HMGB1: variants seen among roughly 807,000 people sequenced by gnomAD.
HMGB1 encodes high mobility group protein B1.
For missense variants in HMGB1, 79 were observed against 253.5 expected, an observed-to-expected ratio of 0.31 and a Z score of 4.67; for synonymous variants, 81 against 84.0, an observed-to-expected ratio of 0.96 and a Z score of 0.19.
chr13:30,583,991 G>A (rs563785863), intron 1 of HMGB1, among the ~76,000 whole-genome samples: 70 of 151,516 alleles, frequency 4.6e-4, no homozygotes, highest in Non-Finnish European at 8.0e-4. Flanking sequence ...GAGAGAGTGA[G>A]ACCTTGTCTC....
rs17074758 is a variant in HMGB1 at position 30,580,584 on chromosome 13, G to A, written c.-15+36087C>T. Among the ~76,000 whole-genome samples the A allele has an allele frequency of 4.9e-3, 752 of 152,250 alleles. 6 individuals carry two copies. The highest frequency in any genetic ancestry group is 0.017 in the African/African-American group (705 of 41,554). On this transcript the variant is annotated intron_variant, in intron 1 of 4. Coordinates refer to the HMGB1 transcript ENST00000405805. Reference sequence around the variant, plus strand: ...ATTAATTTAGCCACAAATATTTATTGAGCATCTCCTACATGCCAGGGAATG... The same window carrying A: ...ATTAATTTAGCCACAAATATTTATTAAGCATCTCCTACATGCCAGGGAATG...
intron 1 of HMGB1, among the ~76,000 whole-genome samples, chr13:30,596,203 C>A (rs1442208492): frequency 6.6e-6 from 1 of 152,118 alleles, no homozygotes; most frequent in Admixed American, 6.5e-5. Flanking sequence ...AATATTCTCT[C>A]CCTTTATAAT....
At chr13:30,505,388 C>T (rs1157955391) in intron 1 of HMGB1, among the ~76,000 whole-genome samples, 3 of 151,682 alleles carry the variant, frequency 2.0e-5, no homozygotes, top group African/African-American at 7.3e-5. Context: ...CCGTGTTAGC[C>T]AGGATGGTCT....
intron 1 of HMGB1, among the ~76,000 whole-genome samples, chr13:30,504,869 T>C (rs1340274961): frequency 2.2e-5 from 2 of 89,544 alleles, no homozygotes; most frequent in Non-Finnish European, 5.3e-5. Context: ...CTTTGCTTTT[T>C]TCCCCCTACA....
intron 1 of HMGB1, among the ~76,000 whole-genome samples, chr13:30,524,109 G>A (rs1391727608): frequency 6.6e-6 from 1 of 151,920 alleles, no homozygotes; most frequent in Non-Finnish European, 1.5e-5. Flanking sequence ...AACACCACAT[G>A]CTCTCACTCG....
At chr13:30,486,944 G>A (rs995524587) in intron 1 of HMGB1, among the ~76,000 whole-genome samples, 5 of 152,208 alleles carry the variant, frequency 3.3e-5, no homozygotes, top group African/African-American at 9.7e-5. Flanking sequence ...TGTTGGGTGC[G>A]GGAGGGGAAT....
At chr13:30,475,118 GTC>G (rs201116510) in intron 1 of HMGB1, among the ~76,000 whole-genome samples, 4 of 41,796 alleles carry the variant, frequency 9.6e-5, no homozygotes, top group East Asian at 9.7e-4. Flanking sequence ...TTGGCTCACT[GTC>G]TCTCTCTCTC....
chr13:30,581,934 C>T (rs1469507795), intron 1 of HMGB1, among the ~76,000 whole-genome samples: 1 of 152,128 alleles, frequency 6.6e-6, no homozygotes, highest in Non-Finnish European at 1.5e-5. Context: ...AAAAGTGTCC[C>T]AGGACTTACT....
chr13:30,541,280 G>A lies in HMGB1; in HGVS notation c.-15+75391C>T, dbSNP rs546739676. Among the ~76,000 whole-genome samples, 11 of 147,646 alleles carry A rather than the reference G, an allele frequency of 7.5e-5. No homozygotes were observed. The East Asian group carries it at 2.1e-3, about 29-fold the overall frequency. ...AGGCTGAGGCAGGAGGATCACTTGA[G>A]CCCAGGAGTTCAAATCCAACATGGG... On this transcript the variant is annotated intron_variant, in intron 1 of 4. Coordinates refer to the HMGB1 transcript ENST00000405805.
chr13:30,603,321 GCAGAATC>G (rs1950421633), intron 1 of HMGB1, among the ~76,000 whole-genome samples: 1 of 152,118 alleles, frequency 6.6e-6, no homozygotes, highest in Admixed American at 6.5e-5. Context: ...CTACCTGACG[GCAGAATC>G]TCCTCTTGGA....
intron 1 of HMGB1, chr13:30,541,094 G>C (rs1011260913): frequency 1.3e-5 from 2 of 152,160 alleles, no homozygotes; most frequent in African/African-American, 4.8e-5. Context: ...TGAAAAACAA[G>C]TTTCAATGAA....
intron 1 of HMGB1, among the ~76,000 whole-genome samples, chr13:30,581,802 C>A (rs1017695055): frequency 3.9e-5 from 6 of 152,174 alleles, no homozygotes; most frequent in Non-Finnish European, 7.3e-5. Flanking sequence ...CCCTTGTGAA[C>A]AAGTGCTCAG....
chr13:30,487,423 C>T (rs528515439), intron 1 of HMGB1, among the ~76,000 whole-genome samples: 3 of 152,306 alleles, frequency 2.0e-5, no homozygotes, highest in Admixed American at 1.3e-4. Flanking sequence ...TGCTGTTTCA[C>T]GTATCCTTTC....
chr13:30,461,758 A>G, intron 4 of HMGB1: 5 of 1,152,652 alleles, frequency 4.3e-6, no homozygotes, highest in East Asian at 2.7e-5. Context: ...GCATAGTCTA[A>G]TATTTGCAAA....
chr13:30,507,883 C>T (rs1201153236), intron 1 of HMGB1, among the ~76,000 whole-genome samples: 1 of 152,022 alleles, frequency 6.6e-6, no homozygotes, highest in Non-Finnish European at 1.5e-5. Context: ...GTAGTCCCAG[C>T]TATTAAGGAA....
intron 1 of HMGB1, among the ~76,000 whole-genome samples, chr13:30,532,848 T>C (rs1331605333): frequency 1.3e-5 from 2 of 152,148 alleles, no homozygotes; most frequent in East Asian, 3.8e-4. Flanking sequence ...AAGACTGCAA[T>C]CAACCATCCA....
chr13:30,608,515 C>CT (rs918408600), intron 1 of HMGB1, among the ~76,000 whole-genome samples: 1 of 152,188 alleles, frequency 6.6e-6, no homozygotes, highest in African/African-American at 2.4e-5. Context: ...GACCTCTACT[C>CT]TTAACTCCTT....
At chr13:30,495,721 G>A (rs1275975156) in intron 1 of HMGB1, among the ~76,000 whole-genome samples, 1 of 152,128 alleles carries the variant, frequency 6.6e-6, no homozygotes, top group Non-Finnish European at 1.5e-5. Flanking sequence ...CCTGTGATCC[G>A]CCCGCGTTGG....
chr13:30,533,135 G>A (rs568882811), intron 1 of HMGB1, among the ~76,000 whole-genome samples: 63 of 152,282 alleles, frequency 4.1e-4, no homozygotes, highest in Non-Finnish European at 7.5e-4. Flanking sequence ...CATGCAGCAG[G>A]GGAGACAGAA....
Sources: gnomAD v4.1 joint callset for allele counts (sites outside exome capture counted in the v4.1 genomes callset) on GRCh38, gnomAD v4.1.1 for gene constraint, MANE v1.5 for transcripts, NCBI Gene and HGNC (gene_info 2026-07-23, HGNC 2026-07-21) for gene names.